Variants in MPC1 observed in about 807,000 individuals in gnomAD.
MPC1 encodes mitochondrial pyruvate carrier 1.
Under a neutral mutation model 13.9 loss-of-function variants are expected in MPC1, and 6 were observed. The ratio of observed to expected loss-of-function variants is 0.43; its 90% confidence interval spans 0.24 to 0.85. The LOEUF is 0.85. MPC1 is among the 40% of genes least tolerant of loss of function. MPC1 has a pLI of 0.24. For synonymous variants in MPC1, 47 were observed against 50.5 expected (o/e 0.93, Z 0.29); for missense variants, 115 against 143.3 (o/e 0.80, Z 1.01).
intron 1 of MPC1, among the ~76,000 whole-genome samples, chr6:166,379,153 C>G (rs1412941922): frequency 2.6e-5 from 4 of 152,068 alleles, no homozygotes; most frequent in Non-Finnish European, 5.9e-5. Flanking sequence ...TAAGTGAGAG[C>G]CTGTTTCATA....
chr6:166,374,491 T>C (rs969951417), intron 1 of MPC1, among the ~76,000 whole-genome samples: 2 of 152,198 alleles, frequency 1.3e-5, no homozygotes, highest in African/African-American at 4.8e-5. Flanking sequence ...TCAGAAAAAC[T>C]CATCCCCAAA....
chr6:166,369,003 G>T, intron 2 of MPC1: 1 of 910,328 alleles, frequency 1.1e-6, no homozygotes, highest in Non-Finnish European at 1.3e-6. Flanking sequence ...ACCACTGGTT[G>T]TGAATGTGTC....
intron 1 of MPC1, among the ~76,000 whole-genome samples, chr6:166,382,454 C>T (rs1779831442): frequency 6.7e-6 from 1 of 150,052 alleles, no homozygotes; most frequent in Non-Finnish European, 1.5e-5. Flanking sequence ...CCCACTGTCA[C>T]CCTGCCGGGA....
chr6:166,366,870 T>C lies in MPC1; in HGVS notation c.97A>G (p.Asn33Asp). Reference sequence around the variant, plus strand: ...ATGGCAGCAATGGGAAGACCCCAGTTGGCTACTGGGCCCCAGAAGTGCTAC... The same window carrying C: ...ATGGCAGCAATGGGAAGACCCCAGTCGGCTACTGGGCCCCAGAAGTGCTAC... ...MSTHFWGPVA[N>D]WGLPIAAIND... The change falls in exon 3 of 5, where the codon AAC becomes GAC. Residue 33 changes from asparagine (N) to aspartate (D), a missense_variant. Coordinates refer to ENST00000360961, the MANE Select transcript of MPC1 (RefSeq NM_016098.4). The C allele has an allele frequency of 6.2e-7, 1 of 1,614,078 alleles. No homozygotes were observed. Among genetic ancestry groups the C allele is most frequent in the Non-Finnish European group, 8.5e-7 (1 of 1,179,958 alleles).
chr6:166,369,230 C>T (rs1340897662), intron 2 of MPC1, among the ~76,000 whole-genome samples: 3 of 152,016 alleles, frequency 2.0e-5, no homozygotes, highest in South Asian at 2.1e-4. Flanking sequence ...GGTGAAACCC[C>T]GTCTCTACTA....
chr6:166,380,821 C>T lies in MPC1; in HGVS notation c.71+1985G>A, dbSNP rs368554556. 9.9e-4 allele frequency among the ~76,000 whole-genome samples: 149 copies of T among 150,488 alleles called. 1 individual carries two copies. The highest frequency in any genetic ancestry group is 3.4e-3 in the African/African-American group (142 of 41,188). ...TGGCGTGGTGGTGCATGCTTGTAATCCCAGCTACTTGGGAAGCTAAGGTAG... is the reference window on the plus strand; with the variant it reads ...TGGCGTGGTGGTGCATGCTTGTAATTCCAGCTACTTGGGAAGCTAAGGTAG... On this transcript the variant is annotated intron_variant, in intron 1 of 4. Transcript: ENST00000360961.
chr6:166,367,602 G>A (rs1411288154), intron 2 of MPC1, among the ~76,000 whole-genome samples: 1 of 152,198 alleles, frequency 6.6e-6, no homozygotes, highest in Non-Finnish European at 1.5e-5. Flanking sequence ...GAAGTCGTCT[G>A]TGTTTGACAG....
In MPC1 at chr6:166,366,053, G is replaced by A. The variant is rs1233467255; in HGVS notation, c.226C>T (p.Arg76Trp). 1.2e-6 allele frequency: 2 copies of A among 1,613,926 alleles called. No individual in the cohort carries two copies. The highest frequency in any genetic ancestry group is 1.7e-6 in the Non-Finnish European group (2 of 1,179,974). ...FMRFAYKVQP[R>W]NWLLFACHAT... ...TGGCATGCAAACAGAAGCCAGTTCC[G>A]AGGCTGTACCTTGTAGGCAAATCTC... The change falls in exon 4 of 5, where the codon CGG (arginine) becomes TGG (tryptophan). Residue 76 changes from arginine (R) to tryptophan (W), a missense_variant. Coordinates refer to ENST00000360961, the MANE Select transcript of MPC1 (RefSeq NM_016098.4).
intron 2 of MPC1, chr6:166,369,026 T>A: frequency 1.3e-6 from 1 of 776,488 alleles, no homozygotes; most frequent in Non-Finnish European, 1.6e-6. Flanking sequence ...CTTTCATAGG[T>A]GGGGCTAAAG....
intron 1 of MPC1, among the ~76,000 whole-genome samples, chr6:166,380,730 G>A (rs980648393): frequency 6.6e-6 from 1 of 151,856 alleles, no homozygotes; most frequent in East Asian, 1.9e-4. Flanking sequence ...ACCTGAAGTC[G>A]GGAGTTCGAG....
At chr6:166,375,450 CTTT>C (rs34879281) in intron 1 of MPC1, among the ~76,000 whole-genome samples, 27 of 127,204 alleles carry the variant, frequency 2.1e-4, no homozygotes, top group Admixed American at 3.9e-4. Context: ...TTCTAATTTG[CTTT>C]TTTTTTTTTT....
At chr6:166,367,113 C>T in intron 2 of MPC1, 1 of 1,375,102 alleles carries the variant, frequency 7.3e-7, no homozygotes, top group Non-Finnish European at 9.5e-7. Flanking sequence ...GAGCCCAGAG[C>T]TAGAAAGGGT....
intron 1 of MPC1, among the ~76,000 whole-genome samples, chr6:166,371,132 G>C (rs1583062568): frequency 6.6e-6 from 1 of 152,140 alleles, no homozygotes; most frequent in East Asian, 1.9e-4. Context: ...CCTTAAAAGT[G>C]GTAAGTTGGA....
chr6:166,381,249 G>C (rs1779768584), intron 1 of MPC1, among the ~76,000 whole-genome samples: 2 of 152,168 alleles, frequency 1.3e-5, no homozygotes, highest in Non-Finnish European at 2.9e-5. Flanking sequence ...TTAATTAATA[G>C]TAGTTCTATT....
chr6:166,374,973 C>T (rs1232889013), intron 1 of MPC1, among the ~76,000 whole-genome samples: 1 of 152,116 alleles, frequency 6.6e-6, no homozygotes, highest in Non-Finnish European at 1.5e-5. Flanking sequence ...TGTTGATATC[C>T]ACAGAATAAC....
In MPC1 at chr6:166,365,461, G is replaced by GA. The variant is rs773420004; in HGVS notation, c.306-9dup. 18 of 1,570,452 alleles carry GA rather than the reference G, an allele frequency of 1.1e-5. No individual in the cohort carries two copies. Among genetic ancestry groups the GA allele is most frequent in the African/African-American group, 1.1e-4 (8 of 73,314 alleles). ...GATGCCGTTTTAGTCATCCTGGAAA[G>GA]AAACAAAAAGAAAAATTCAATGAGA... On this transcript the variant is annotated splice_polypyrimidine_tract_variant and intron_variant, in intron 4 of 4. Transcript: ENST00000360961. This position sits in a 1 kb window ranked among gnomAD's most constrained non-coding sequence, Gnocchi z 4.2.
chr6:166,370,611 T>C (rs965460059), intron 1 of MPC1, among the ~76,000 whole-genome samples: 7 of 152,354 alleles, frequency 4.6e-5, no homozygotes, highest in Admixed American at 1.3e-4. Context: ...CCCAGCACTC[T>C]GGGAGGCTAA....
intron 1 of MPC1, among the ~76,000 whole-genome samples, chr6:166,379,851 G>C (rs915176208): frequency 1.3e-5 from 2 of 152,314 alleles, no homozygotes; most frequent in African/African-American, 2.4e-5. Flanking sequence ...GGCTGTAAGC[G>C]TAAAGCTTGG....
intron 3 of MPC1, among the ~76,000 whole-genome samples, 174 bp from the exon 4 acceptor site, chr6:166,366,280 A>G (rs1397049192): frequency 6.6e-6 from 1 of 152,218 alleles, no homozygotes; most frequent in Non-Finnish European, 1.5e-5. Context: ...AGCTCATAAA[A>G]AAATTTACTG....
Sources: allele counts gnomAD v4.1 joint callset (sites outside exome capture counted in the v4.1 genomes callset), GRCh38; gene constraint gnomAD v4.1.1; non-coding constraint Gnocchi (gnomAD v3.1); transcripts MANE v1.5; gene names NCBI Gene and HGNC (gene_info 2026-07-23, HGNC 2026-07-21).